The following BTC variants were observed in gnomAD, a reference collection of about 807,000 sequenced individuals.
The protein encoded by BTC is betacellulin, also known as probetacellulin.
BTC carries 13 observed loss-of-function variants against 18.1 expected under a neutral mutation model. The observed-to-expected ratio is 0.72, with a 90% CI of 0.47 to 1.14. BTC has a LOEUF of 1.14. BTC is among the 50% of genes most tolerant of loss of function. The probability of loss-of-function intolerance (pLI) is 0.00; values close to 1 mark genes in which losing one functional copy is unlikely to be tolerated. For missense variants in BTC, 247 were observed against 224.2 expected, an observed-to-expected ratio of 1.10 and a Z score of -0.65; for synonymous variants, 83 against 79.4, an observed-to-expected ratio of 1.05 and a Z score of -0.24.
intron 1 of BTC, among the ~76,000 whole-genome samples, chr4:74,771,657 G>A (rs907516429): frequency 6.6e-6 from 1 of 152,148 alleles, no homozygotes; most frequent in African/African-American, 2.4e-5. Flanking sequence ...TTCAAAGAAA[G>A]AAATGTACCT....
intron 2 of BTC, among the ~76,000 whole-genome samples, chr4:74,766,042 AT>A (rs1349481586): frequency 6.6e-6 from 1 of 152,150 alleles, no homozygotes; most frequent in African/African-American, 2.4e-5. Context: ...ACATAATAGT[AT>A]TTTTATATCT....
rs782464158 is a variant in BTC at position 74,748,136 on chromosome 4, G to A, written c.442C>T (p.Arg148Cys). 24 of 1,606,216 alleles carry A rather than the reference G, an allele frequency of 1.5e-5. No individual in the cohort carries two copies. The East Asian group carries it at 2.5e-4, about 16-fold the overall frequency. ...VCTCCHPLRKRRKRKKKEEEM... is the reference protein window; with the variant it reads ...VCTCCHPLRKCRKRKKKEEEM... ...TCTTCTTTCTTCTTTCTTTTACGAC[G>A]TTTCCGAAGAGGGCTTGGAAAATAC... Residue 148 changes from arginine (R) to cysteine (C), a missense_variant, in exon 5 of 6, where the codon CGT (arginine) becomes TGT (cysteine). By Grantham distance (180) the Arg-to-Cys change is radical. Transcript: ENST00000395743.
Position 74,755,910 on chromosome 4 carries a change from C to T in BTC, c.230G>A (p.Cys77Tyr), listed in dbSNP as rs150258991. The T allele has an allele frequency of 6.2e-7, 1 of 1,614,044 alleles. No homozygotes were observed. Among genetic ancestry groups the T allele is most frequent in the African/African-American group, 1.3e-5 (1 of 74,926 alleles). The change falls in exon 3 of 6, where the codon TGC becomes TAC. Residue 77 changes from cysteine (C) to tyrosine (Y), a missense_variant. Cys to Tyr is a radical substitution (Grantham distance 194). Transcript: ENST00000395743. ...SRCPKQYKHY[C>Y]IKGRCRFVVA... ...CACGAAGCGGCATCTCCCTTTGATG[C>T]AGTAATGCTTGTATTGCTTGGGGCA...
In BTC at chr4:74,745,304, G is replaced by C. The variant is rs1220498990; in HGVS notation, c.*1373C>G. On this transcript the variant is annotated 3_prime_UTR_variant, in exon 6 of 6. Coordinates refer to ENST00000395743, the MANE Select transcript of BTC (RefSeq NM_001729.4). ...TTCACTCAAAACACCATGGATGCTA[G>C]AAGGTAATATGCGATTTCAGCATTT... 1 of 152,196 alleles carries C rather than the reference G, an allele frequency of 6.6e-6. No homozygotes were observed. The highest frequency in any genetic ancestry group is 1.5e-5 in the Non-Finnish European group (1 of 68,042). The allele number at this position is 152,196 out of a possible 1,614,324, so 9.4% of individuals were successfully genotyped here. A position where few individuals can be genotyped will look rare whatever the true frequency, so the allele number is the denominator to read the frequency against.
chr4:74,753,184 T>G (rs1324721728), intron 3 of BTC, among the ~76,000 whole-genome samples: 1 of 152,192 alleles, frequency 6.6e-6, no homozygotes, highest in Non-Finnish European at 1.5e-5. Flanking sequence ...CTATTTAAAA[T>G]CAAAAATAAT....
At chr4:74,760,200 T>C (rs1402935381) in intron 2 of BTC, among the ~76,000 whole-genome samples, 1 of 152,236 alleles carries the variant, frequency 6.6e-6, no homozygotes, top group African/African-American at 2.4e-5. Flanking sequence ...ACAATGGTTA[T>C]AGCCTTATAG....
chr4:74,756,038 T>C (rs1173849194), intron 2 of BTC, 62 bp from the exon 3 acceptor site: 1 of 1,337,944 alleles, frequency 7.5e-7, no homozygotes, highest in Non-Finnish European at 1.1e-6. Context: ...GTAAATAGAA[T>C]CATATTCTTA....
intron 1 of BTC, among the ~76,000 whole-genome samples, chr4:74,789,086 C>T (rs1725555423): frequency 6.6e-6 from 1 of 152,238 alleles, no homozygotes; most frequent in South Asian, 2.1e-4. Context: ...ACTATCCCCA[C>T]TGACATTCAT....
At chr4:74,769,228 GTTTTC>G (rs1252617042) in intron 2 of BTC, among the ~76,000 whole-genome samples, 3 of 152,042 alleles carry the variant, frequency 2.0e-5, no homozygotes, top group African/African-American at 7.2e-5. Context: ...TCTGTGTTTT[GTTTTC>G]TTTTTTTTAA....
chr4:74,765,946 C>T lies in BTC; in HGVS notation c.163+4112G>A, dbSNP rs138929751. On this transcript the variant is annotated intron_variant, in intron 2 of 5. Transcript: ENST00000395743. ...AAATTTAGACGGTGTAGCCTATACA[C>T]ACCTTAGTTATATGGTATAGCTTAT... 1.2e-3 allele frequency among the ~76,000 whole-genome samples: 176 copies of T among 152,236 alleles called. 1 individual carries two copies. Among genetic ancestry groups the T allele is most frequent in the Non-Finnish European group, 1.5e-3 (103 of 67,994 alleles).
intron 2 of BTC, among the ~76,000 whole-genome samples, chr4:74,757,596 G>A: frequency 6.6e-6 from 1 of 152,010 alleles, no homozygotes; most frequent in Middle Eastern, 3.2e-3. Flanking sequence ...TCTATAATAG[G>A]CACTAGAAAA....
chr4:74,789,142 G>A (rs897737743), intron 1 of BTC, among the ~76,000 whole-genome samples: 5 of 152,142 alleles, frequency 3.3e-5, no homozygotes, highest in African/African-American at 1.2e-4. Context: ...ATAGGAACTG[G>A]GCTATAACTG....
Position 74,745,406 on chromosome 4 carries a change from G to A in BTC, c.*1271C>T, listed in dbSNP as rs1724263395. The stretch of plus-strand genomic sequence containing the variant: ...AAAGATTCTAAAAAAGAAGCTGCTT[G>A]GCCGACAGGCACAAGTTGGGGGGCA... On this transcript the variant is annotated 3_prime_UTR_variant, in exon 6 of 6. Coordinates refer to ENST00000395743, the MANE Select transcript of BTC (RefSeq NM_001729.4). 6.6e-6 allele frequency: 1 copy of A among 152,178 alleles called. No individual in the cohort carries two copies. Among genetic ancestry groups the A allele is most frequent in the Non-Finnish European group, 1.5e-5 (1 of 68,016 alleles). 9.4% of individuals were successfully genotyped at this position (152,178 alleles called of 1,614,324 possible). A position where few individuals can be genotyped will look rare whatever the true frequency, so the allele number is the denominator to read the frequency against.
At chr4:74,778,345 G>C (rs1725232080) in intron 1 of BTC, among the ~76,000 whole-genome samples, 1 of 152,054 alleles carries the variant, frequency 6.6e-6, no homozygotes, top group East Asian at 1.9e-4. Context: ...GCCTCAATCT[G>C]GGTTTCCTAG....
At chr4:74,762,986 GAGA>G (rs1483275514) in intron 2 of BTC, among the ~76,000 whole-genome samples, 6 of 152,114 alleles carry the variant, frequency 3.9e-5, no homozygotes, top group African/African-American at 1.4e-4. Context: ...AGGCTACTAG[GAGA>G]AGAAGAGTAA....
intron 2 of BTC, among the ~76,000 whole-genome samples, chr4:74,768,402 T>A (rs1698172384): frequency 6.6e-6 from 1 of 152,152 alleles, no homozygotes; most frequent in Non-Finnish European, 1.5e-5. Flanking sequence ...CGGTAGTACA[T>A]CCATAGAATA....
chr4:74,794,445 C>T lies in BTC; in HGVS notation c.-120G>A. 8.9e-7 allele frequency: 1 copy of T among 1,129,272 alleles called. No individual in the cohort carries two copies. The highest frequency in any genetic ancestry group is 1.6e-5 in the African/African-American group (1 of 62,358). 70.0% of individuals were successfully genotyped at this position (1,129,272 alleles called of 1,614,324 possible). ...AACTAATCCCGGAGGCAGAAGGAAA[C>T]GAAACTACTTCCCAGGCTGGCACCC... On this transcript the variant is annotated 5_prime_UTR_variant, in exon 1 of 6. Coordinates refer to ENST00000395743, the MANE Select transcript of BTC (RefSeq NM_001729.4).
intron 1 of BTC, among the ~76,000 whole-genome samples, chr4:74,777,361 G>C (rs1337105036): frequency 6.6e-6 from 1 of 152,116 alleles, no homozygotes. Flanking sequence ...AATAGTAGCT[G>C]TTAAGTGACC....
chr4:74,768,566 T>C (rs939116196), intron 2 of BTC, among the ~76,000 whole-genome samples: 3 of 152,170 alleles, frequency 2.0e-5, no homozygotes, highest in African/African-American at 7.2e-5. Context: ...GCCAAATTTA[T>C]AGAAGCAGAT....
Sources: gnomAD v4.1 joint callset for allele counts (sites outside exome capture counted in the v4.1 genomes callset) on GRCh38, gnomAD v4.1.1 for gene constraint, MANE v1.5 for transcripts, NCBI Gene and HGNC (gene_info 2026-07-23, HGNC 2026-07-21) for gene names.